Variants in TFPI observed in about 807,000 individuals in gnomAD.
TFPI encodes the protein anti-convertin.
Under a neutral mutation model 34.6 loss-of-function variants are expected in TFPI, and 15 were observed. That is an observed-to-expected ratio of 0.43 (90% CI 0.29 to 0.67). The LOEUF is 0.67. TFPI is among the 30% of genes least tolerant of loss of function. TFPI has a pLI of 0.15. For synonymous variants in TFPI, 105 were observed against 120.1 expected (o/e 0.87, Z 0.82); for missense variants, 301 against 364.0 (o/e 0.83, Z 1.41).
At chr2:187,479,546 C>CTTT (rs1027381858) in intron 6 of TFPI, among the ~76,000 whole-genome samples, 2 of 63,314 alleles carry the variant, frequency 3.2e-5, no homozygotes, top group African/African-American at 1.2e-4. Flanking sequence ...ATATCACGTT[C>CTTT]ATATATATAT....
intron 1 of TFPI, chr2:187,544,615 TG>T (rs1253931876): frequency 2.8e-5 from 4 of 140,656 alleles, no homozygotes; most frequent in Non-Finnish European, 6.0e-5. Context: ...CGCTCCAGCC[TG>T]GGCAACAGAG....
intron 6 of TFPI, among the ~76,000 whole-genome samples, chr2:187,478,346 G>C (rs1429501781): frequency 1.3e-5 from 2 of 152,078 alleles, no homozygotes; most frequent in Admixed American, 6.6e-5. Flanking sequence ...GGCAATAAGA[G>C]TGAAACTCCA....
chr2:187,508,483 CT>C (rs1686383818), intron 1 of TFPI, among the ~76,000 whole-genome samples: 1 of 152,014 alleles, frequency 6.6e-6, no homozygotes, highest in African/African-American at 2.4e-5. Context: ...CTTTTATTTC[CT>C]TGAGCAGTTG....
In TFPI at chr2:187,496,881, C is replaced by T; in HGVS notation, c.319G>A (p.Asp107Asn). The change falls in exon 3 of 8, where the codon GAT becomes AAT. Residue 107 changes from aspartate to asparagine, a missense_variant and splice_region_variant. Coordinates refer to ENST00000233156, the MANE Select transcript of TFPI (RefSeq NM_006287.6). ...GTAATAAGGGTTCCCAGAAACCTAC[C>T]TCTTGTACACATTTTTTTGCACTCT... ...LEECKKMCTR[D>N]NANRIIKTTL... 1.2e-6 allele frequency: 2 copies of T among 1,612,682 alleles called. No homozygotes were observed. Among genetic ancestry groups the T allele is most frequent in the Non-Finnish European group, 1.7e-6 (2 of 1,179,156 alleles).
chr2:187,519,729 G>T (rs114908164), intron 1 of TFPI: 5,306 of 152,440 alleles, frequency 0.035, 305 homozygotes, highest in African/African-American at 0.11. Flanking sequence ...ATTTAAGTCT[G>T]CTGAAGCTGA....
chr2:187,477,799 C>A (rs1471610467), intron 6 of TFPI, among the ~76,000 whole-genome samples: 1 of 152,080 alleles, frequency 6.6e-6, no homozygotes, highest in Non-Finnish European at 1.5e-5. Context: ...ATTTTATTTT[C>A]TATTTTTTCC....
intron 1 of TFPI, among the ~76,000 whole-genome samples, chr2:187,548,594 A>G (rs1394620640): frequency 2.0e-5 from 3 of 152,064 alleles, no homozygotes; most frequent in Non-Finnish European, 4.4e-5. Flanking sequence ...GGGAAGCTAG[A>G]TGGTCACTTG....
intron 1 of TFPI, among the ~76,000 whole-genome samples, chr2:187,507,121 A>G (rs949417780): frequency 2.6e-5 from 4 of 151,862 alleles, no homozygotes; most frequent in African/African-American, 9.7e-5. Context: ...ATGTGTTATC[A>G]TTGCTCAACT....
Position 187,466,939 on chromosome 2 carries a change from CAT to C in TFPI, c.910_911del (p.Met304ValfsTer5), listed in dbSNP as rs752241307. 14 of 1,496,144 alleles carry C rather than the reference CAT, an allele frequency of 9.4e-6. No homozygotes were observed. In the African/African-American group the frequency reaches 1.5e-4, roughly 16 times the overall value. The allele number at this position is 1,496,144 out of a possible 1,614,324, so 92.7% of individuals were successfully genotyped here. ...IAYEEIFVKN[M>X] ...ATGTTACATTGCTATAACAAATTCA[CAT>C]ATTTTTAACAAAAATTTCTTCATAT... On this transcript the variant is annotated frameshift_variant, in exon 8 of 8. Coordinates refer to ENST00000233156, the MANE Select transcript of TFPI (RefSeq NM_006287.6). LOFTEE classifies it high-confidence loss of function.
chr2:187,478,283 C>T (rs1692521809), intron 6 of TFPI, among the ~76,000 whole-genome samples: 2 of 152,124 alleles, frequency 1.3e-5, no homozygotes, highest in Admixed American at 6.5e-5. Flanking sequence ...TCCCTTGAAC[C>T]TGGGAGGCGG....
intron 6 of TFPI, among the ~76,000 whole-genome samples, chr2:187,481,289 CAA>C (rs1343946225): frequency 6.6e-6 from 1 of 151,714 alleles, no homozygotes; most frequent in Non-Finnish European, 1.5e-5. Context: ...CCTTGAAAAA[CAA>C]AGTTTTATGT....
At chr2:187,473,824 T>C (rs1692201511) in intron 6 of TFPI, among the ~76,000 whole-genome samples, 3 of 151,044 alleles carry the variant, frequency 2.0e-5, no homozygotes, top group South Asian at 4.2e-4. Flanking sequence ...CCCCCGCATG[T>C]GTATACTGGG....
At chr2:187,499,863 T>C (rs1685736275) in intron 2 of TFPI, among the ~76,000 whole-genome samples, 1 of 152,280 alleles carries the variant, frequency 6.6e-6, no homozygotes, top group South Asian at 2.1e-4. Context: ...GACAAGTTAT[T>C]GAGGTAGTGT....
At chr2:187,477,169 G>C (rs1387516732) in intron 6 of TFPI, among the ~76,000 whole-genome samples, 1 of 152,188 alleles carries the variant, frequency 6.6e-6, no homozygotes, top group African/African-American at 2.4e-5. Flanking sequence ...TGGTCATCTA[G>C]GGTGACTGCA....
At chr2:187,475,477 G>A (rs1235143018) in intron 6 of TFPI, among the ~76,000 whole-genome samples, 1 of 152,036 alleles carries the variant, frequency 6.6e-6, no homozygotes. Flanking sequence ...ATAAACCTCG[G>A]ATGAAAATAG....
At chr2:187,510,488 A>G (rs1235336556) in intron 1 of TFPI, among the ~76,000 whole-genome samples, 1 of 152,182 alleles carries the variant, frequency 6.6e-6, no homozygotes, top group Non-Finnish European at 1.5e-5. Context: ...ACACCCTTCT[A>G]CTAAGAGAGG....
At chr2:187,494,424 C>T (rs1685331944) in intron 3 of TFPI, among the ~76,000 whole-genome samples, 1 of 152,186 alleles carries the variant, frequency 6.6e-6, no homozygotes, top group African/African-American at 2.4e-5. Flanking sequence ...AATGCCTTCA[C>T]ACAGGAAGCA....
chr2:187,549,229 G>A (rs1689007929), intron 1 of TFPI, among the ~76,000 whole-genome samples: 1 of 152,192 alleles, frequency 6.6e-6, no homozygotes, highest in East Asian at 1.9e-4. Context: ...CTCAAGTGGT[G>A]TAAAAAAATT....
At chr2:187,471,714 T>C (rs958169293) in intron 6 of TFPI, among the ~76,000 whole-genome samples, 14 of 151,836 alleles carry the variant, frequency 9.2e-5, no homozygotes, top group African/African-American at 3.4e-4. Flanking sequence ...AACTGTAAGA[T>C]GGTGCTCTAA....
Sources: gnomAD v4.1 joint callset for allele counts (sites outside exome capture counted in the v4.1 genomes callset) on GRCh38, gnomAD v4.1.1 for gene constraint, MANE v1.5 for transcripts, NCBI Gene and HGNC (gene_info 2026-07-23, HGNC 2026-07-21) for gene names.